Variants in LMX1A observed in about 807,000 individuals in gnomAD.
LMX1A encodes the protein LIM homeobox transcription factor 1 alpha, also known as LIM homeobox transcription factor 1-alpha.
Under a neutral mutation model 49.1 loss-of-function variants are expected in LMX1A, and 15 were observed. The observed-to-expected ratio is 0.31, with a 90% CI of 0.20 to 0.47. The LOEUF (loss-of-function observed/expected upper bound fraction) is 0.47. LMX1A is among the 20% of genes least tolerant of loss of function. LMX1A has a pLI of 1.00. For synonymous variants in LMX1A, 167 were observed against 185.7 expected, an observed-to-expected ratio of 0.90 and a Z score of 0.82; for missense variants, 372 against 475.8, an observed-to-expected ratio of 0.78 and a Z score of 2.03.
chr1:165,319,542 C>T (rs1447328399), intron 3 of LMX1A, among the ~76,000 whole-genome samples: 1 of 151,984 alleles, frequency 6.6e-6, no homozygotes, highest in Non-Finnish European at 1.5e-5. Flanking sequence ...AGGAAGGCCA[C>T]CTAAGTGTCA....
At chr1:165,272,663 G>A (rs1653833271) in intron 3 of LMX1A, among the ~76,000 whole-genome samples, 1 of 152,200 alleles carries the variant, frequency 6.6e-6, no homozygotes, top group East Asian at 1.9e-4. Context: ...GAAGTCAGCT[G>A]GCTGTGTTTC....
At chr1:165,340,271 G>A (rs1268040104) in intron 3 of LMX1A, among the ~76,000 whole-genome samples, 2 of 151,798 alleles carry the variant, frequency 1.3e-5, no homozygotes, top group African/African-American at 4.8e-5. Context: ...CCTGGCTAAT[G>A]TTTTTGTTTT....
chr1:165,204,175 T>A, intron 8 of LMX1A, 135 bp from the exon 9 acceptor site: 1 of 891,516 alleles, frequency 1.1e-6, no homozygotes. Context: ...AAGTCTATAT[T>A]CTCTTTAGGG....
chr1:165,297,772 A>G (rs1028952655), intron 3 of LMX1A, among the ~76,000 whole-genome samples: 1 of 152,114 alleles, frequency 6.6e-6, no homozygotes, highest in Non-Finnish European at 1.5e-5. Context: ...AAGAAGGCTC[A>G]CTCTACTGAG....
At chr1:165,342,135 A>T (rs1656095253) in intron 3 of LMX1A, among the ~76,000 whole-genome samples, 1 of 152,242 alleles carries the variant, frequency 6.6e-6, no homozygotes, top group African/African-American at 2.4e-5. Flanking sequence ...CAGTTTCCTT[A>T]AAAACTGGGA....
chr1:165,228,871 A>C (rs1205785472), intron 4 of LMX1A, among the ~76,000 whole-genome samples: 2 of 152,186 alleles, frequency 1.3e-5, no homozygotes, highest in Non-Finnish European at 2.9e-5. Context: ...CCAGGGACCA[A>C]AGAGAGGAAC....
In LMX1A at chr1:165,213,663, A is replaced by G; in HGVS notation, c.647T>C (p.Val216Ala). 6.2e-7 allele frequency: 1 copy of G among 1,614,082 alleles called. No homozygotes were observed. ...QRRAFKASFE[V>A]SSKPCRKVRE... ...TACCTTCCTGCAGGGCTTGGAGGAT[A>G]CTTCAAATGAGGCCTTGAATGCTCG... Residue 216 changes from valine (V) to alanine (A), a missense_variant, in exon 5 of 9, where the codon GTA (valine) becomes GCA (alanine). Coordinates refer to ENST00000342310, the MANE Select transcript of LMX1A (RefSeq NM_177398.4).
At position 165,258,048 on chromosome 1, in the gene LMX1A, C is replaced by G. The variant is rs186179160; in HGVS notation, c.264-8408G>C. On this transcript the variant is annotated intron_variant, in intron 3 of 8. Coordinates refer to ENST00000342310, the MANE Select transcript of LMX1A (RefSeq NM_177398.4). ...ATGAACCCTCCGGTTTAGAAAGTAA[C>G]AGAGGGTTTGGGGCAGCTCTTTAAC... is the stretch of plus-strand genomic sequence containing the variant. Among the ~76,000 whole-genome samples the G allele has an allele frequency of 2.6e-3, 389 of 152,288 alleles. 1 individual carries two copies. The highest frequency in any genetic ancestry group is 8.7e-3 in the African/African-American group (361 of 41,564).
chr1:165,348,284 A>G (rs1009732853), intron 3 of LMX1A, among the ~76,000 whole-genome samples: 1 of 152,210 alleles, frequency 6.6e-6, no homozygotes, highest in African/African-American at 2.4e-5. Context: ...TACTATTAAT[A>G]TCTACTCCTG....
chr1:165,320,366 T>C (rs1310196144), intron 3 of LMX1A, among the ~76,000 whole-genome samples: 1 of 152,188 alleles, frequency 6.6e-6, no homozygotes, highest in African/African-American at 2.4e-5. Context: ...CCCAATGTGA[T>C]TGTTAGCTAA....
chr1:165,326,313 C>A (rs1292952057), intron 3 of LMX1A, among the ~76,000 whole-genome samples: 2 of 152,160 alleles, frequency 1.3e-5, no homozygotes, highest in African/African-American at 2.4e-5. Flanking sequence ...TTCCCTGCAC[C>A]CTCTAGGCAA....
chr1:165,324,572 A>G lies in LMX1A; in HGVS notation c.263+28504T>C, dbSNP rs532564980. 1.4e-4 allele frequency among the ~76,000 whole-genome samples: 21 copies of G among 152,294 alleles called. 1 individual carries two copies. The South Asian group carries it at 4.1e-3, about 30-fold the overall frequency. On this transcript the variant is annotated intron_variant, in intron 3 of 8. Transcript: ENST00000342310. ...AGGACAAACGTAAAGCAAAACCACC[A>G]GAGATATAGGGAGAAAAGGAATGTT...
At chr1:165,354,138 C>T (rs906875571) in intron 2 of LMX1A, among the ~76,000 whole-genome samples, 2 of 152,154 alleles carry the variant, frequency 1.3e-5, no homozygotes, top group Non-Finnish European at 2.9e-5. Context: ...CTTTTCACAG[C>T]TATTTAAAGA....
At chr1:165,217,490 A>C (rs1442551309) in intron 4 of LMX1A, among the ~76,000 whole-genome samples, 1 of 152,224 alleles carries the variant, frequency 6.6e-6, no homozygotes. Flanking sequence ...CGCATCCCTG[A>C]AAGAAAAGAG....
At chr1:165,350,891 T>C (rs1412583180) in intron 3 of LMX1A, among the ~76,000 whole-genome samples, 3 of 152,196 alleles carry the variant, frequency 2.0e-5, no homozygotes. Context: ...GTAGCTCACA[T>C]CCCTCTGTAA....
At chr1:165,271,443 T>C (rs1322184564) in intron 3 of LMX1A, among the ~76,000 whole-genome samples, 1 of 152,232 alleles carries the variant, frequency 6.6e-6, no homozygotes, top group Non-Finnish European at 1.5e-5. Context: ...CCTATTGGTT[T>C]AAGCCTCTGT....
intron 4 of LMX1A, among the ~76,000 whole-genome samples, chr1:165,236,621 GTTCTC>G (rs1652455652): frequency 6.6e-6 from 1 of 151,832 alleles, no homozygotes; most frequent in Non-Finnish European, 1.5e-5. Context: ...AAAATACTGC[GTTCTC>G]TTCTAACTCG....
At chr1:165,349,669 A>G (rs1291151980) in intron 3 of LMX1A, among the ~76,000 whole-genome samples, 1 of 152,208 alleles carries the variant, frequency 6.6e-6, no homozygotes, top group East Asian at 1.9e-4. Flanking sequence ...ATCGCAGTAT[A>G]TGAGAAAAAT....
At chr1:165,277,606 C>G (rs569661634) in intron 3 of LMX1A, among the ~76,000 whole-genome samples, 14 of 152,314 alleles carry the variant, frequency 9.2e-5, no homozygotes, top group Admixed American at 2.6e-4. Flanking sequence ...AACCCAAGTC[C>G]GTCTTTACTC....
Sources: allele counts gnomAD v4.1 joint callset (sites outside exome capture counted in the v4.1 genomes callset), GRCh38; gene constraint gnomAD v4.1.1; transcripts MANE v1.5; gene names NCBI Gene and HGNC (gene_info 2026-07-23, HGNC 2026-07-21).